The following PRKCH variants were observed in gnomAD, a reference collection of about 807,000 sequenced individuals.
PRKCH encodes the protein protein kinase C eta type.
In PRKCH, 28 loss-of-function variants were observed where a neutral mutation model predicts 82.5. That is an observed-to-expected ratio of 0.34 (90% CI 0.25 to 0.47). The LOEUF is 0.47. PRKCH is among the 20% of genes least tolerant of loss of function. The pLI, the probability that PRKCH is intolerant of heterozygous loss-of-function variation, is 1.00. For missense variants in PRKCH, 705 were observed against 881.8 expected, an observed-to-expected ratio of 0.80 and a Z score of 2.54; for synonymous variants, 322 against 327.4, an observed-to-expected ratio of 0.98 and a Z score of 0.18.
chr14:61,256,779 A>C (rs2045001294), intron 1 of PRKCH, among the ~76,000 whole-genome samples: 1 of 152,192 alleles, frequency 6.6e-6, no homozygotes, highest in Non-Finnish European at 1.5e-5. Context: ...ATCATGAAAG[A>C]AACCTTATAT....
At chr14:61,348,447 G>A (rs1293093116) in intron 1 of PRKCH, among the ~76,000 whole-genome samples, 1 of 152,204 alleles carries the variant, frequency 6.6e-6, no homozygotes, top group African/African-American at 2.4e-5. Flanking sequence ...CAGAAGCTTT[G>A]CCTCCACCTC....
chr14:61,545,951 C>A (rs2043251778), intron 12 of PRKCH, among the ~76,000 whole-genome samples: 1 of 152,210 alleles, frequency 6.6e-6, no homozygotes, highest in African/African-American at 2.4e-5. Flanking sequence ...CACAAGATGT[C>A]CTCTCTCACA....
chr14:61,437,180 G>A (rs138115220), intron 2 of PRKCH, among the ~76,000 whole-genome samples: 253 of 152,142 alleles, frequency 1.7e-3, no homozygotes, highest in Middle Eastern at 0.01. Context: ...TGTTTATCAC[G>A]CGTCCTAATC....
chr14:61,457,766 G>C, intron 9 of PRKCH, 87 bp downstream of exon 9: 1 of 1,529,596 alleles, frequency 6.5e-7, no homozygotes, highest in Non-Finnish European at 8.9e-7. Context: ...ATAAAGTTGA[G>C]TATCAGAAAT....
chr14:61,539,606 T>C (rs1473376516), intron 12 of PRKCH, among the ~76,000 whole-genome samples: 4 of 152,208 alleles, frequency 2.6e-5, no homozygotes, highest in African/African-American at 9.7e-5. Context: ...TGAGCAAGTT[T>C]ATTTCACTTT....
chr14:61,404,446 GATCC>G (rs1295126047), intron 2 of PRKCH, among the ~76,000 whole-genome samples: 12 of 151,362 alleles, frequency 7.9e-5, no homozygotes, highest in African/African-American at 2.9e-4. Flanking sequence ...AGGTTTAGTG[GATCC>G]ATCCATCCAT....
At chr14:61,483,797 C>CT (rs1440398287) in intron 9 of PRKCH, among the ~76,000 whole-genome samples, 1 of 152,168 alleles carries the variant, frequency 6.6e-6, no homozygotes, top group Non-Finnish European at 1.5e-5. Flanking sequence ...CCTGTAATCC[C>CT]AGCACTTTGG....
chr14:61,467,956 A>G (rs1450021938), intron 9 of PRKCH, among the ~76,000 whole-genome samples: 9 of 152,268 alleles, frequency 5.9e-5, no homozygotes, highest in Admixed American at 5.9e-4. Context: ...GCCCCAGATC[A>G]CACAGTAAGC....
At chr14:61,206,993 C>G (rs1022435031) in intron 1 of PRKCH, among the ~76,000 whole-genome samples, 8 of 150,400 alleles carry the variant, frequency 5.3e-5, no homozygotes, top group Non-Finnish European at 1.2e-4. Context: ...TTAATCCCAG[C>G]TACTCGGGAG....
At chr14:61,493,380 A>AAGGGCTAG (rs1241214461) in intron 10 of PRKCH, among the ~76,000 whole-genome samples, 1 of 152,144 alleles carries the variant, frequency 6.6e-6, no homozygotes, top group East Asian at 1.9e-4. Context: ...ATGTAGTAAG[A>AAGGGCTAG]AGGGCTAGAG....
chr14:61,198,247 C>G (rs891955004), intron 1 of PRKCH, among the ~76,000 whole-genome samples: 3 of 152,206 alleles, frequency 2.0e-5, no homozygotes, highest in African/African-American at 7.2e-5. Flanking sequence ...TCCCATTGCA[C>G]TGAATACATT....
intron 4 of PRKCH, among the ~76,000 whole-genome samples, chr14:61,447,723 TA>T (rs1355487828): frequency 2.0e-5 from 3 of 152,188 alleles, no homozygotes; most frequent in Admixed American, 6.5e-5. Flanking sequence ...CAAGAGAACA[TA>T]AAAAATATTT....
chr14:61,375,631 A>C (rs144536425), intron 1 of PRKCH, among the ~76,000 whole-genome samples: 1 of 151,906 alleles, frequency 6.6e-6, no homozygotes, highest in Non-Finnish European at 1.5e-5. Context: ...GGGAAGTGCC[A>C]CACACTTTCA....
rs1335053986 is a variant in PRKCH, at chr14:61,272,340, C to CTTTTTTTTTTTT, written c.-19+84675_-19+84676insTTTTTTTTTTTT. Among the ~76,000 whole-genome samples, 21 of 97,822 alleles carry CTTTTTTTTTTTT rather than the reference C, an allele frequency of 2.1e-4. 1 individual carries two copies. Among genetic ancestry groups the CTTTTTTTTTTTT allele is most frequent in the Non-Finnish European group, 2.5e-4 (13 of 52,826 alleles). The allele number at this position is 97,822 out of a possible 152,430, so 64.2% of individuals were successfully genotyped here. A position where few individuals can be genotyped will look rare whatever the true frequency, so the allele number is the denominator to read the frequency against. On this transcript the variant is annotated intron_variant, in intron 1 of 3. Transcript: ENST00000555185. ...TAGATTTCTTTTTCTTTTCTTTTTT[C>CTTTTTTTTTTTT]TTTCTTTTTTTTTTTTTTTTTTTTT...
At chr14:61,301,370 T>A (rs1331727880) in intron 1 of PRKCH, among the ~76,000 whole-genome samples, 1 of 152,236 alleles carries the variant, frequency 6.6e-6, no homozygotes, top group Non-Finnish European at 1.5e-5. Flanking sequence ...ATTTTTCAAA[T>A]AAAGTTGTAG....
At chr14:61,421,109 T>G (rs973017236) in intron 2 of PRKCH, among the ~76,000 whole-genome samples, 8 of 151,502 alleles carry the variant, frequency 5.3e-5, no homozygotes, top group Non-Finnish European at 1.2e-4. Context: ...AGTAGTGCCT[T>G]TATCAGTGAC....
intron 10 of PRKCH, among the ~76,000 whole-genome samples, chr14:61,511,069 T>C (rs1471173717): frequency 6.6e-6 from 1 of 152,038 alleles, no homozygotes; most frequent in African/African-American, 2.4e-5. Context: ...TGCCTCCAAT[T>C]TGCCTGAAAA....
intron 2 of PRKCH, among the ~76,000 whole-genome samples, chr14:61,402,097 G>C (rs139579423): frequency 6.4e-4 from 98 of 152,276 alleles, no homozygotes; most frequent in African/African-American, 2.3e-3. Flanking sequence ...CTTTTCTCAT[G>C]AGTTTGTTGT....
chr14:61,481,721 C>T (rs1043436935), intron 9 of PRKCH, among the ~76,000 whole-genome samples: 3 of 152,214 alleles, frequency 2.0e-5, no homozygotes, highest in Admixed American at 6.5e-5. Flanking sequence ...TTCTGTCACT[C>T]TATAGCCATC....
Sources: allele counts gnomAD v4.1 joint callset (sites outside exome capture counted in the v4.1 genomes callset), GRCh38; gene constraint gnomAD v4.1.1; transcripts MANE v1.5; gene names NCBI Gene and HGNC (gene_info 2026-07-23, HGNC 2026-07-21).